Variants in TENT4A observed in about 807,000 individuals in gnomAD.
The protein encoded by TENT4A is DNA polymerase kappa.
In TENT4A, 7 loss-of-function variants were observed where a neutral mutation model predicts 72.8. That is an observed-to-expected ratio of 0.10 (90% CI 0.05 to 0.18). TENT4A has a LOEUF of 0.18. TENT4A is among the 10% of genes least tolerant of loss of function. The pLI is 1.00. For synonymous variants in TENT4A, 456 were observed against 434.3 expected (o/e 1.05, Z -0.62); for missense variants, 831 against 1,017.7 (o/e 0.82, Z 2.50).
At chr5:6,752,820 G>A (rs1742482415) in intron 11 of TENT4A, 53 bp from the exon 12 acceptor site, 1 of 1,546,120 alleles carries the variant, frequency 6.5e-7, no homozygotes, top group Non-Finnish European at 8.9e-7. Context: ...GAAGCCGGAT[G>A]GTTTTCCTCT....
chr5:6,713,959 CG>C lies in TENT4A; in HGVS notation c.-22del, dbSNP rs1449434014. ...GGCCGCGTCGGGGCGGGCGGGCGCG[CG>C]GGCCCCGCGGGGGCGGCGCGTGGAT... On this transcript the variant is annotated 5_prime_UTR_variant, in exon 1 of 13. Transcript: ENST00000230859. 1 of 944,960 alleles carries C rather than the reference CG, an allele frequency of 1.1e-6. No homozygotes were observed. Among genetic ancestry groups the C allele is most frequent in the African/African-American group, 1.8e-5 (1 of 55,754 alleles). 58.5% of individuals were successfully genotyped at this position (944,960 alleles called of 1,614,324 possible). A position where few individuals can be genotyped will look rare whatever the true frequency, so the allele number is the denominator to read the frequency against.
At chr5:6,751,329 G>A (rs1742391648) in intron 11 of TENT4A, 132 bp downstream of exon 11, 2 of 897,356 alleles carry the variant, frequency 2.2e-6, no homozygotes, top group African/African-American at 1.6e-5. Flanking sequence ...CCATTGGTGT[G>A]TTGTTCTAGG....
intron 4 of TENT4A, among the ~76,000 whole-genome samples, chr5:6,741,672 G>T (rs1259120596): frequency 6.6e-6 from 1 of 152,222 alleles, no homozygotes; most frequent in Non-Finnish European, 1.5e-5. Flanking sequence ...GTCCTCACAC[G>T]CTGAGTCCTT....
intron 6 of TENT4A, chr5:6,745,955 T>G: frequency 8.3e-7 from 1 of 1,200,164 alleles, no homozygotes; most frequent in Non-Finnish European, 1.1e-6. Flanking sequence ...ATATCTGTGT[T>G]TGCAGGAAGT....
intron 1 of TENT4A, among the ~76,000 whole-genome samples, chr5:6,734,836 C>A (rs974320260): frequency 2.0e-5 from 3 of 152,222 alleles, no homozygotes; most frequent in African/African-American, 4.8e-5. Context: ...AGGCCACCCC[C>A]TCTTCTCCCT....
chr5:6,728,644 A>G (rs1256521229), intron 1 of TENT4A, among the ~76,000 whole-genome samples: 1 of 152,228 alleles, frequency 6.6e-6, no homozygotes, highest in Non-Finnish European at 1.5e-5. Context: ...CGTCAGCAGC[A>G]TGAGGGCCTG....
chr5:6,748,581 A>G lies in TENT4A; in HGVS notation c.1577A>G (p.Asp526Gly). 6.2e-7 allele frequency: 1 copy of G among 1,613,070 alleles called. No homozygotes were observed. The highest frequency in any genetic ancestry group is 8.5e-7 in the Non-Finnish European group (1 of 1,179,186). ...SPLARSYPNR[D>G]AESTLGRIIK... ...CTGGCCAGGTCCTATCCAAACAGAGACGCCGAAAGGTAATGGGTTGTGTGT... is the reference window on the plus strand; with the variant it reads ...CTGGCCAGGTCCTATCCAAACAGAGGCGCCGAAAGGTAATGGGTTGTGTGT... Residue 526 changes from aspartate (D) to glycine (G), a missense_variant, in exon 8 of 13, where the codon GAC becomes GGC. Physicochemically the swap from Asp to Gly is moderately conservative, Grantham distance 94 (BLOSUM62 -1). Transcript: ENST00000230859.
In TENT4A at chr5:6,752,885, A is replaced by G. The variant is rs755741942; in HGVS notation, c.2032A>G (p.Ile678Val). 1.5e-5 allele frequency: 25 copies of G among 1,613,596 alleles called. No individual in the cohort carries two copies. Among genetic ancestry groups the G allele is most frequent in the Non-Finnish European group, 5.1e-6 (6 of 1,179,684 alleles). ...MTTNNQTRFT[I>V]PPPTLGVAPV... Reference sequence around the variant, plus strand: ...ATTTTGTTCCTAGACCAGGTTTACTATACCTCCACCGACCCTAGGGGTTGC... The same window carrying G: ...ATTTTGTTCCTAGACCAGGTTTACTGTACCTCCACCGACCCTAGGGGTTGC... The change falls in exon 12 of 13, where the codon ATA becomes GTA. Residue 678 changes from isoleucine to valine, a missense_variant. Ile to Val is a conservative substitution (Grantham distance 29, BLOSUM62 3). Coordinates refer to ENST00000230859, the MANE Select transcript of TENT4A (RefSeq NM_006999.6).
intron 8 of TENT4A, 59 bp from the exon 9 acceptor site, chr5:6,749,498 G>C: frequency 9.0e-7 from 1 of 1,110,502 alleles, no homozygotes; most frequent in Non-Finnish European, 1.4e-6. Context: ...TTCGAGAGGG[G>C]TTCTCAGCTC....
chr5:6,738,127 G>T (rs890599649), intron 2 of TENT4A, among the ~76,000 whole-genome samples: 2 of 152,118 alleles, frequency 1.3e-5, no homozygotes, highest in African/African-American at 4.8e-5. Flanking sequence ...TGTGGAGTGG[G>T]GCCTTCTGGA....
intron 1 of TENT4A, among the ~76,000 whole-genome samples, chr5:6,721,336 G>A (rs1370021372): frequency 2.6e-5 from 4 of 152,220 alleles, no homozygotes; most frequent in Non-Finnish European, 5.9e-5. Flanking sequence ...AAAGTCTGTT[G>A]CAGTTTATCT....
At chr5:6,721,692 ATC>A (rs1391536830) in intron 1 of TENT4A, among the ~76,000 whole-genome samples, 1 of 152,164 alleles carries the variant, frequency 6.6e-6, no homozygotes, top group Non-Finnish European at 1.5e-5. Flanking sequence ...AAGTTTATCC[ATC>A]TCTTGGCTGA....
At chr5:6,744,822 A>G (rs778698294) in intron 6 of TENT4A, among the ~76,000 whole-genome samples, 1 of 152,210 alleles carries the variant, frequency 6.6e-6, no homozygotes, top group Non-Finnish European at 1.5e-5. Context: ...TGAATTAAAC[A>G]TGGGCCTCTG....
Position 6,724,359 on chromosome 5 carries a change from T to A in TENT4A, c.716+9660T>A, listed in dbSNP as rs551542532. Among the ~76,000 whole-genome samples the A allele has an allele frequency of 2.0e-5, 3 of 152,116 alleles. No homozygotes were observed. The South Asian group carries it at 6.2e-4, about 32-fold the overall frequency. On this transcript the variant is annotated intron_variant, in intron 1 of 12. Coordinates refer to ENST00000230859, the MANE Select transcript of TENT4A (RefSeq NM_006999.6). ...ACTTATGTAAAACATTATTAAAAAATGGAAGGACAACGATGAAATGATGGC... is the reference window on the plus strand; with the variant it reads ...ACTTATGTAAAACATTATTAAAAAAAGGAAGGACAACGATGAAATGATGGC...
intron 10 of TENT4A, chr5:6,750,721 G>C (rs1289721443): frequency 1.8e-6 from 1 of 552,262 alleles, no homozygotes; most frequent in Admixed American, 3.6e-5. Flanking sequence ...TCATGCGGCT[G>C]TCGAGGGCAG....
At chr5:6,735,429 T>A (rs952459887) in intron 1 of TENT4A, among the ~76,000 whole-genome samples, 3 of 152,150 alleles carry the variant, frequency 2.0e-5, no homozygotes, top group African/African-American at 4.8e-5. Flanking sequence ...GGTGAAGGGA[T>A]CCACCCAGAC....
chr5:6,754,881 C>T lies in TENT4A; in HGVS notation c.2315C>T (p.Thr772Ile). 1 of 1,607,384 alleles carries T rather than the reference C, an allele frequency of 6.2e-7. No homozygotes were observed. Among genetic ancestry groups the T allele is most frequent in the Non-Finnish European group, 8.5e-7 (1 of 1,175,166 alleles). Residue 772 changes from threonine to isoleucine, a missense_variant, in exon 13 of 13, where the codon ACC (threonine) becomes ATC (isoleucine). Physicochemically the swap from Thr to Ile is moderately conservative, Grantham distance 89. Transcript: ENST00000230859. ...GNRGHHQYNR[T>I]GWRRKKHTHT... ...AGGGGACACCACCAGTATAACCGCA[C>T]CGGCTGGAGGAGGAAAAAACACACA... is the stretch of plus-strand genomic sequence containing the variant.
At chr5:6,719,630 T>G (rs1740553275) in intron 1 of TENT4A, among the ~76,000 whole-genome samples, 1 of 152,150 alleles carries the variant, frequency 6.6e-6, no homozygotes, top group Non-Finnish European at 1.5e-5. Context: ...GAGAAGCACC[T>G]CAGGGAGGGC....
At chr5:6,732,822 C>G (rs963573874) in intron 1 of TENT4A, among the ~76,000 whole-genome samples, 1 of 152,110 alleles carries the variant, frequency 6.6e-6, no homozygotes, top group Non-Finnish European at 1.5e-5. Context: ...GGCAATGGAT[C>G]GGGAAGCTGA....
Sources: gnomAD v4.1 joint callset for allele counts (sites outside exome capture counted in the v4.1 genomes callset) on GRCh38, gnomAD v4.1.1 for gene constraint, MANE v1.5 for transcripts, NCBI Gene and HGNC (gene_info 2026-07-23, HGNC 2026-07-21) for gene names.